TTN: variants seen among roughly 807,000 people sequenced by gnomAD.
TTN encodes the protein titin, also known as connectin.
TTN carries 1,525 observed loss-of-function variants against 3,223.0 expected under a neutral mutation model. That is an observed-to-expected ratio of 0.47 (90% confidence interval 0.45 to 0.49). TTN has a LOEUF of 0.49. Ranked by LOEUF, TTN falls within the 20% of genes least tolerant of loss-of-function variation. TTN has a pLI of 0.00. For synonymous variants in TTN, 14,094 were observed against 15,161.0 expected (o/e 0.93, Z 5.17); for missense variants, 40,786 against 43,424.0 (o/e 0.94, Z 5.40).
At chr2:178,637,183 A>ATC (rs1384859503) in intron 224 of TTN, among the ~76,000 whole-genome samples, 186 bp downstream of exon 224, 44 of 131,176 alleles carry the variant, frequency 3.4e-4, no homozygotes, top group African/African-American at 1.3e-3. Flanking sequence ...ATATATATAT[A>ATC]TATATATCTC....
chr2:178,624,844 T>A, intron 241 of TTN, 113 bp from the exon 242 acceptor site: 3 of 1,256,644 alleles, frequency 2.4e-6, no homozygotes, highest in Non-Finnish European at 3.3e-6. Flanking sequence ...TAAGTTTTAT[T>A]TTCAAGTTTT....
chr2:178,530,291 T>C lies in TTN; in HGVS notation c.106324A>G (p.Lys35442Glu). The change falls in exon 358 of 363, where the codon AAG becomes GAG. Residue 35442 changes from lysine (K) to glutamate (E), a missense_variant. Transcript: ENST00000589042. ...SSDSVAKFAV[K>E]ATGEPRPTAI... is the part of the protein sequence containing the mutation. The stretch of plus-strand genomic sequence containing the variant: ...GTTGGCCGGGGTTCTCCAGTAGCCT[T>C]AACTGCAAATTTAGCAACACTGTCT... 2 of 1,613,340 alleles carry C rather than the reference T, an allele frequency of 1.2e-6. No homozygotes were observed. Among genetic ancestry groups the C allele is most frequent in the Non-Finnish European group, 1.7e-6 (2 of 1,179,352 alleles).
chr2:178,692,225 A>G, intron 120 of TTN, 126 bp from the exon 121 acceptor site: 1 of 943,134 alleles, frequency 1.1e-6, no homozygotes, highest in Non-Finnish European at 1.6e-6. Flanking sequence ...AAATATGCCT[A>G]CTTGTGGTAG....
chr2:178,748,970 G>A lies in TTN; in HGVS notation c.11311+4154C>T, dbSNP rs151307968. The stretch of plus-strand genomic sequence containing the variant: ...AGGATTAACAATTGATGTTCTGGTA[G>A]GTCTTTTTTCTAGAACTCCTTTTTC... On this transcript the variant is annotated intron_variant, in intron 47 of 362. Transcript: ENST00000589042. 2.5e-5 allele frequency: 40 copies of A among 1,612,258 alleles called. No homozygotes were observed. Among genetic ancestry groups the A allele is most frequent in the Non-Finnish European group, 3.2e-5 (38 of 1,179,258 alleles).
rs1331542573 is a variant in TTN, at chr2:178,531,816, C to T, written c.104799G>A (p.Gln34933=). 1 of 1,613,876 alleles carries T rather than the reference C, an allele frequency of 6.2e-7. No individual in the cohort carries two copies. Among genetic ancestry groups the T allele is most frequent in the Non-Finnish European group, 8.5e-7 (1 of 1,179,892 alleles). ...GGGCATGGTCCAGTGTGAAAGGCTG[C>T]TGACTCAAAACTTCATACTTCCTTT... The part of the protein sequence containing the change: ...TSERKYEVLS[Q]QPFTLDHAPR... The change falls in exon 358 of 363, where the codon CAG becomes CAA. Residue 34933 remains glutamine (Q), a synonymous_variant. Transcript: ENST00000589042.
rs1161247099 is a variant in TTN at position 178,632,333 on chromosome 2, A to G, written c.43561T>C (p.Ser14521Pro). The G allele has an allele frequency of 3.7e-6, 6 of 1,606,552 alleles. No homozygotes were observed. Among genetic ancestry groups the G allele is most frequent in the Non-Finnish European group, 4.3e-6 (5 of 1,176,244 alleles). The part of the protein sequence containing the change: ...KESAVFTVEL[S>P]HDNIRVKWFK... ...CATTTAACTCGGATGTTATCATGAG[A>G]TAACTCCACAGTAAATACAGCACTT... The change falls in exon 236 of 363, where the codon TCT becomes CCT. Residue 14521 changes from serine (S) to proline (P), a missense_variant. Transcript: ENST00000589042.
In TTN at chr2:178,532,839, G is replaced by T; in HGVS notation, c.103776C>A (p.Pro34592=). ...GKLDRVVQKR[P]KRIRLSRWEQ... Reference sequence around the variant, plus strand: ...CCCATCTTGAAAGGCGGATGCGCTTGGGTCGTTTCTGTACAACTCTGTCAA... The same window carrying T: ...CCCATCTTGAAAGGCGGATGCGCTTTGGTCGTTTCTGTACAACTCTGTCAA... The change falls in exon 358 of 363, where the codon CCC becomes CCA. Residue 34592 remains proline, a synonymous_variant. Transcript: ENST00000589042. 6.2e-7 allele frequency: 1 copy of T among 1,613,942 alleles called. No homozygotes were observed. Among genetic ancestry groups the T allele is most frequent in the Middle Eastern group, 1.7e-4 (1 of 6,060 alleles).
chr2:178,748,004 C>T, intron 47 of TTN: 2 of 1,612,984 alleles, frequency 1.2e-6, no homozygotes, highest in East Asian at 2.2e-5. Flanking sequence ...CTGTGTCCCA[C>T]CATCCTGCTT....
chr2:178,677,591 C>A, intron 146 of TTN, 30 bp downstream of exon 146: 1 of 1,577,350 alleles, frequency 6.3e-7, no homozygotes, highest in South Asian at 1.2e-5. Flanking sequence ...ACAAAAGAGG[C>A]CTTGATGATT....
intron 47 of TTN, chr2:178,750,269 T>C (rs79286432): frequency 6.2e-6 from 10 of 1,613,374 alleles, no homozygotes; most frequent in Middle Eastern, 1.7e-4. Flanking sequence ...TGGGACTTTA[T>C]GTGCTTTGAC....
At position 178,735,818 on chromosome 2, in the gene TTN, G is replaced by A; in HGVS notation, c.14628C>T (p.Asp4876=). 3 of 1,613,744 alleles carry A rather than the reference G, an allele frequency of 1.9e-6. No individual in the cohort carries two copies. The highest frequency in any genetic ancestry group is 2.2e-5 in the East Asian group (1 of 44,810). Residue 4876 remains aspartate, a synonymous_variant, in exon 50 of 363, where the codon GAC becomes GAT. Coordinates refer to ENST00000589042, the MANE Select transcript of TTN (RefSeq NM_001267550.2). ...TGATGATCAACTCTGCTTGGCAGAT[G>A]TCTGCTCCAAACTTGTTGGAAGCCT... ...SCKASNKFGA[D]ICQAELIIID... is the part of the protein sequence containing the mutation.
chr2:178,618,540 A>C, intron 251 of TTN, 44 bp downstream of exon 251: 1 of 1,608,188 alleles, frequency 6.2e-7, no homozygotes, highest in Middle Eastern at 1.7e-4. Context: ...TCTTGCTTTT[A>C]AATTGTGCTT....
rs760803535 is a variant in TTN at position 178,557,732 on chromosome 2, A to G, written c.87622T>C (p.Tyr29208His). ...KVMKLTTGEE[Y>H]QFRIKAENRF... Reference sequence around the variant, plus strand: ...TTTTCTGCCTTGATGCGGAATTGGTATTCTTCTCCTGTGGTCAGTTTCATG... The same window carrying G: ...TTTTCTGCCTTGATGCGGAATTGGTGTTCTTCTCCTGTGGTCAGTTTCATG... Residue 29208 changes from tyrosine (Y) to histidine (H), a missense_variant, in exon 328 of 363, where the codon TAC (tyrosine) becomes CAC (histidine). Transcript: ENST00000589042. 2.5e-6 allele frequency: 4 copies of G among 1,613,928 alleles called. No individual in the cohort carries two copies. Among genetic ancestry groups the G allele is most frequent in the South Asian group, 1.1e-5 (1 of 91,062 alleles).
At chr2:178,664,814 G>T (rs541497397) in intron 166 of TTN, 38 bp downstream of exon 166, 11 of 1,610,070 alleles carry the variant, frequency 6.8e-6, no homozygotes, top group African/African-American at 1.3e-5. Flanking sequence ...AAAACTACAA[G>T]AGCTAGTTCT....
At position 178,775,341 on chromosome 2, in the gene TTN, A is replaced by G. The variant is rs747722195; in HGVS notation, c.6508+15T>C. 38 of 1,613,648 alleles carry G rather than the reference A, an allele frequency of 2.4e-5. No homozygotes were observed. In the East Asian group the frequency reaches 7.8e-4, roughly 33 times the overall value. ...TACAAAGACAGGTCCATCAAAGGAA[A>G]GACATGCAAATTACCTTGGACAAGT... On this transcript the variant is annotated intron_variant, in intron 28 of 362. Coordinates refer to ENST00000589042, the MANE Select transcript of TTN (RefSeq NM_001267550.2).
At chr2:178,688,277 A>G in intron 126 of TTN, 53 bp from the exon 127 acceptor site, 1 of 1,500,314 alleles carries the variant, frequency 6.7e-7, no homozygotes, top group South Asian at 1.1e-5. Flanking sequence ...ACAGATGTAT[A>G]TACAGCCATG....
intron 44 of TTN, 40 bp downstream of exon 44, chr2:178,758,944 T>G (rs1453649087): frequency 6.3e-7 from 1 of 1,575,766 alleles, no homozygotes; most frequent in East Asian, 2.2e-5. Context: ...TAAGATTCGA[T>G]CTATATTTAA....
In TTN at chr2:178,575,569, T is replaced by G; in HGVS notation, c.70563A>C (p.Thr23521=). 6.2e-7 allele frequency: 1 copy of G among 1,613,720 alleles called. No individual in the cohort carries two copies. Among genetic ancestry groups the G allele is most frequent in the Admixed American group, 1.7e-5 (1 of 60,014 alleles). ...AENEYGIGEP[T]ETTEPVKASE... Reference sequence around the variant, plus strand: ...AGGCTTTTACGGGCTCTGTAGTTTCTGTTGGCTCACCAATTCCATATTCAT... The same window carrying G: ...AGGCTTTTACGGGCTCTGTAGTTTCGGTTGGCTCACCAATTCCATATTCAT... The change falls in exon 326 of 363, where the codon ACA becomes ACC. Residue 23521 remains threonine, a synonymous_variant. Coordinates refer to ENST00000589042, the MANE Select transcript of TTN (RefSeq NM_001267550.2). This position sits in a 1 kb window ranked among gnomAD's most constrained non-coding sequence, Gnocchi z 4.0.
chr2:178,752,140 C>T, intron 47 of TTN: 2 of 1,006,178 alleles, frequency 2.0e-6, no homozygotes, highest in East Asian at 2.4e-5. Context: ...TTGCATGCTA[C>T]AGATCTCACA....
Sources: gnomAD v4.1 joint callset for allele counts (sites outside exome capture counted in the v4.1 genomes callset) on GRCh38, gnomAD v4.1.1 for gene constraint, Gnocchi (gnomAD v3.1) non-coding constraint, MANE v1.5 for transcripts, NCBI Gene and HGNC (gene_info 2026-07-23, HGNC 2026-07-21) for gene names.